Variants in CLCC1 observed in about 807,000 individuals in gnomAD.
CLCC1 encodes the protein chloride channel CLIC like 1.
CLCC1 carries 39 observed loss-of-function variants against 63.3 expected under a neutral mutation model. The observed-to-expected ratio is 0.62, with a 90% CI of 0.48 to 0.81. CLCC1 has a LOEUF of 0.81. Among genes scored for constraint, CLCC1 ranks in the 30% least tolerant of loss-of-function variants. The pLI, the probability that CLCC1 is intolerant of heterozygous loss-of-function variation, is 0.00. For synonymous variants in CLCC1, 217 were observed against 239.8 expected, an observed-to-expected ratio of 0.90 and a Z score of 0.88; for missense variants, 549 against 669.4, an observed-to-expected ratio of 0.82 and a Z score of 1.98.
intron 1 of CLCC1, among the ~76,000 whole-genome samples, chr1:108,963,128 C>G (rs1377573273): frequency 1.3e-5 from 2 of 152,242 alleles, no homozygotes; most frequent in Non-Finnish European, 2.9e-5. Context: ...CCAAGCACCT[C>G]CCCGGAACGC....
intron 2 of CLCC1, among the ~76,000 whole-genome samples, chr1:108,961,764 C>CA (rs1215622110): frequency 6.6e-6 from 1 of 151,936 alleles, no homozygotes; most frequent in African/African-American, 2.4e-5. Flanking sequence ...GAGGCTGGGG[C>CA]AGGAGAATTG....
At chr1:108,954,535 A>G (rs1386117897) in intron 2 of CLCC1, among the ~76,000 whole-genome samples, 1 of 150,996 alleles carries the variant, frequency 6.6e-6, no homozygotes, top group East Asian at 1.9e-4. Context: ...ACCAGCACTA[A>G]GCGCACAGGA....
chr1:108,956,196 A>G lies in CLCC1; in HGVS notation c.-11-5748T>C, dbSNP rs369814334. Among the ~76,000 whole-genome samples the G allele has an allele frequency of 9.1e-4, 138 of 151,468 alleles. 3 individuals are homozygous for G. In the South Asian group the frequency reaches 0.026, roughly 28 times the overall value. On this transcript the variant is annotated intron_variant, in intron 2 of 12. Transcript: ENST00000369969. ...ACACTGAGCTCCCAGCCTGCAGCCAATATCAATGGCCAGCCATGTGGGTGA... is the reference window on the plus strand; with the variant it reads ...ACACTGAGCTCCCAGCCTGCAGCCAGTATCAATGGCCAGCCATGTGGGTGA...
rs1557894764 is a variant in CLCC1, at chr1:108,943,844, CATT to C, written c.550_552del (p.Asn184del). 6.2e-7 allele frequency: 1 copy of C among 1,608,792 alleles called. No homozygotes were observed. Among genetic ancestry groups the C allele is most frequent in the East Asian group, 2.2e-5 (1 of 44,846 alleles). On this transcript the variant is annotated inframe_deletion, in exon 6 of 13. Coordinates refer to ENST00000369969, the MANE Select transcript of CLCC1 (RefSeq NM_001377458.1). ...CCCTCATCCCATCTTACCATTAACA[CATT>C]ATATGGATCCACTCCAAAGGAATCT...
chr1:108,946,668 C>CT (rs1396731852), intron 5 of CLCC1, among the ~76,000 whole-genome samples: 2 of 152,034 alleles, frequency 1.3e-5, no homozygotes, highest in Non-Finnish European at 2.9e-5. Context: ...AGGCTGGTCT[C>CT]TGACTCTCTA....
intron 1 of CLCC1, 65 bp downstream of exon 1, chr1:108,963,296 C>T: frequency 1.5e-6 from 1 of 684,432 alleles, no homozygotes. Context: ...GCTGGACCCG[C>T]CAGGGCGTAA....
chr1:108,956,409 C>G (rs1655896112), intron 2 of CLCC1, among the ~76,000 whole-genome samples: 1 of 151,400 alleles, frequency 6.6e-6, no homozygotes, highest in Non-Finnish European at 1.5e-5. Flanking sequence ...CACCTGTAAT[C>G]CCAGCACTTT....
chr1:108,947,089 G>A (rs11102683), intron 5 of CLCC1, among the ~76,000 whole-genome samples: 42,741 of 151,944 alleles, frequency 0.28, 6,212 homozygotes, highest in East Asian at 0.38. Context: ...GCTGGAACCC[G>A]GGAGGCAGAG....
chr1:108,956,778 G>A (rs76342033), intron 2 of CLCC1, among the ~76,000 whole-genome samples: 9,948 of 147,002 alleles, frequency 0.068, 510 homozygotes, highest in Middle Eastern at 0.071. Flanking sequence ...CATCCAGAGA[G>A]AAGACACAGC....
At chr1:108,952,756 C>T (rs184958820) in intron 2 of CLCC1, among the ~76,000 whole-genome samples, 57 of 150,954 alleles carry the variant, frequency 3.8e-4, no homozygotes, top group Admixed American at 6.6e-4. Flanking sequence ...GCTGAGATCG[C>T]GCCACTGCAC....
At chr1:108,939,962 A>C in intron 9 of CLCC1, 83 bp downstream of exon 9, 1 of 1,313,362 alleles carries the variant, frequency 7.6e-7, no homozygotes, top group Middle Eastern at 2.1e-4. Context: ...CTTATTAGCA[A>C]AATGACTCAA....
Position 108,931,370 on chromosome 1 carries a change from A to C in CLCC1, c.*1177T>G, listed in dbSNP as rs1178754584. On this transcript the variant is annotated 3_prime_UTR_variant, in exon 13 of 13. Transcript: ENST00000369969. ...AAAGTAACTAACTAACTGTAGCAAA[A>C]GACAAGTATGGGACAGACTGGGACC... 6.4e-7 allele frequency: 1 copy of C among 1,551,174 alleles called. No individual in the cohort carries two copies. Among genetic ancestry groups the C allele is most frequent in the South Asian group, 1.2e-5 (1 of 84,040 alleles).
chr1:108,940,561 G>A (rs1178822647), intron 8 of CLCC1, among the ~76,000 whole-genome samples: 3 of 152,182 alleles, frequency 2.0e-5, no homozygotes, highest in Non-Finnish European at 4.4e-5. Flanking sequence ...ATGGGGAAAG[G>A]GTACACGGGC....
Position 108,931,643 on chromosome 1 carries a change from A to G in CLCC1, c.*904T>C. On this transcript the variant is annotated 3_prime_UTR_variant, in exon 13 of 13. Coordinates refer to ENST00000369969, the MANE Select transcript of CLCC1 (RefSeq NM_001377458.1). ...AGTGCTCAGCTAAAAAAAAAAAAAA[A>G]GTTCTAAATTACAACCTGGATTACA... The G allele has an allele frequency of 3.1e-6, 3 of 978,910 alleles. No homozygotes were observed. Among genetic ancestry groups the G allele is most frequent in the South Asian group, 2.0e-5 (1 of 51,102 alleles). The allele number at this position is 978,910 out of a possible 1,614,324, so 60.6% of individuals were successfully genotyped here. A position where few individuals can be genotyped will look rare whatever the true frequency, so the allele number is the denominator to read the frequency against.
Position 108,930,090 on chromosome 1 carries a change from C to A in CLCC1, c.*2457G>T. 1 of 731,528 alleles carries A rather than the reference C, an allele frequency of 1.4e-6. No homozygotes were observed. Among genetic ancestry groups the A allele is most frequent in the African/African-American group, 1.8e-5 (1 of 56,628 alleles). 45.3% of individuals were successfully genotyped at this position (731,528 alleles called of 1,614,324 possible). ...GTTAACCTTCAGTAGTCTATTAAGG[C>A]ATTAATACTTCTCTGGACATGCGCG... On this transcript the variant is annotated 3_prime_UTR_variant, in exon 13 of 13. Transcript: ENST00000369969.
At position 108,930,901 on chromosome 1, in the gene CLCC1, A is replaced by AAAACAGC. The variant is rs995144978; in HGVS notation, c.*1639_*1645dup. 3 of 152,616 alleles carry AAAACAGC rather than the reference A, an allele frequency of 2.0e-5. No homozygotes were observed. The highest frequency in any genetic ancestry group is 2.9e-5 in the Non-Finnish European group (2 of 68,938). 9.5% of individuals were successfully genotyped at this position (152,616 alleles called of 1,614,324 possible). ...GCAAGACTCTGTCTCAAAAAAAAAA[A>AAAACAGC]AAACAGCAAGCATGCTGGCACACAC... On this transcript the variant is annotated 3_prime_UTR_variant, in exon 13 of 13. Coordinates refer to ENST00000369969, the MANE Select transcript of CLCC1 (RefSeq NM_001377458.1).
chr1:108,938,324 A>G (rs1230086672), intron 10 of CLCC1, among the ~76,000 whole-genome samples: 1 of 152,232 alleles, frequency 6.6e-6, no homozygotes, highest in Non-Finnish European at 1.5e-5. Context: ...GGAGCACATG[A>G]AACAAAAACA....
At position 108,940,146 on chromosome 1, in the gene CLCC1, T is replaced by C; in HGVS notation, c.797-4A>G. 6.4e-7 allele frequency: 1 copy of C among 1,561,352 alleles called. No homozygotes were observed. The highest frequency in any genetic ancestry group is 8.8e-7 in the Non-Finnish European group (1 of 1,136,698). ...GTCCATGAACTTCTAAACCATTCTG[T>C]TTAGAGAAACAGACAAAACACTGAT... On this transcript the variant is annotated splice_polypyrimidine_tract_variant and splice_region_variant and intron_variant, in intron 8 of 12. Coordinates refer to ENST00000369969, the MANE Select transcript of CLCC1 (RefSeq NM_001377458.1).
At chr1:108,938,542 GTTCT>G (rs1264870590) in intron 10 of CLCC1, among the ~76,000 whole-genome samples, 2 of 152,178 alleles carry the variant, frequency 1.3e-5, no homozygotes, top group Admixed American at 6.5e-5. Context: ...GCACATCTGA[GTTCT>G]TTTTGTTTTA....
Sources: gnomAD v4.1 joint callset for allele counts (sites outside exome capture counted in the v4.1 genomes callset) on GRCh38, gnomAD v4.1.1 for gene constraint, MANE v1.5 for transcripts, NCBI Gene and HGNC (gene_info 2026-07-23, HGNC 2026-07-21) for gene names.